The following ZFHX3 variants were observed in gnomAD, a reference collection of about 807,000 sequenced individuals.
ZFHX3 encodes the protein zinc finger homeobox 3, also known as zinc finger homeobox protein 3.
ZFHX3 carries 42 observed loss-of-function variants against 279.1 expected under a neutral mutation model. The observed-to-expected ratio is 0.15, with a 90% CI of 0.12 to 0.19. ZFHX3 has a LOEUF of 0.19. ZFHX3 is among the 10% of genes least tolerant of loss of function. The pLI, the probability that ZFHX3 is intolerant of heterozygous loss-of-function variation, is 1.00. For missense variants in ZFHX3, 4,981 were observed against 4,754.0 expected, an observed-to-expected ratio of 1.05 and a Z score of -1.40; for synonymous variants, 2,293 against 1,957.8, an observed-to-expected ratio of 1.17 and a Z score of -4.52.
At chr16:73,289,900 G>A (rs183773827) in intron 4 of ZFHX3, among the ~76,000 whole-genome samples, 18 of 152,226 alleles carry the variant, frequency 1.2e-4, no homozygotes, top group African/African-American at 3.6e-4. Flanking sequence ...CAAGTCACCC[G>A]GGGCCCCTTT....
chr16:73,675,879 C>T (rs1222632715), intron 2 of ZFHX3, among the ~76,000 whole-genome samples: 1 of 151,908 alleles, frequency 6.6e-6, no homozygotes, highest in Non-Finnish European at 1.5e-5. Flanking sequence ...ATCAGCCTTG[C>T]CTCAGATATG....
At chr16:72,846,923 C>T (rs754484023) in intron 4 of ZFHX3, among the ~76,000 whole-genome samples, 8 of 152,120 alleles carry the variant, frequency 5.3e-5, no homozygotes, top group Admixed American at 2.0e-4. Context: ...ACAGTCTGGA[C>T]GCCCATAAAC....
intron 7 of ZFHX3, among the ~76,000 whole-genome samples, chr16:73,113,793 CTTTTTTT>C (rs71391487): frequency 3.9e-5 from 4 of 102,988 alleles, no homozygotes; most frequent in Non-Finnish European, 7.3e-5. Flanking sequence ...TTTTTGGAAA[CTTTTTTT>C]TTTTTTTTTT....
chr16:73,436,444 AG>A (rs1240031336), intron 3 of ZFHX3, among the ~76,000 whole-genome samples: 1 of 152,318 alleles, frequency 6.6e-6, no homozygotes, highest in Admixed American at 6.5e-5. Flanking sequence ...ACCAAGTGAA[AG>A]GGGTTTCCCC....
chr16:73,806,007 T>A (rs1960266640), intron 1 of ZFHX3, among the ~76,000 whole-genome samples: 1 of 152,190 alleles, frequency 6.6e-6, no homozygotes, highest in Non-Finnish European at 1.5e-5. Context: ...TCCATATGGC[T>A]CAGCAAGCCT....
intron 1 of ZFHX3, among the ~76,000 whole-genome samples, chr16:73,849,097 A>G (rs1486821514): frequency 6.6e-6 from 1 of 152,162 alleles, no homozygotes; most frequent in Non-Finnish European, 1.5e-5. Flanking sequence ...TGTAAACTGA[A>G]CTCATCAGTG....
At chr16:73,534,346 G>C (rs1048336730) in intron 2 of ZFHX3, among the ~76,000 whole-genome samples, 3 of 152,064 alleles carry the variant, frequency 2.0e-5, no homozygotes, top group Admixed American at 2.0e-4. Context: ...CTCTCAATGA[G>C]TTCTACCCTA....
chr16:73,346,497 A>C (rs1000377927), intron 3 of ZFHX3, among the ~76,000 whole-genome samples: 14 of 152,120 alleles, frequency 9.2e-5, no homozygotes, highest in African/African-American at 3.1e-4. Flanking sequence ...ACTTATACAA[A>C]GTTTTGCTTT....
chr16:73,635,411 G>C (rs770187678), intron 2 of ZFHX3, among the ~76,000 whole-genome samples: 17 of 152,168 alleles, frequency 1.1e-4, no homozygotes, highest in East Asian at 1.9e-4. Flanking sequence ...AGCCCAAGAA[G>C]TGACCCCTTT....
intron 3 of ZFHX3, among the ~76,000 whole-genome samples, chr16:72,892,745 C>A (rs532711110): frequency 5.3e-5 from 8 of 152,198 alleles, no homozygotes; most frequent in African/African-American, 1.9e-4. Context: ...TGACTTCAAG[C>A]GATCCACCCG....
At chr16:72,971,417 T>G (rs1223823562) in intron 1 of ZFHX3, among the ~76,000 whole-genome samples, 2 of 152,222 alleles carry the variant, frequency 1.3e-5, no homozygotes, top group African/African-American at 2.4e-5. Context: ...TTGTTTTGTT[T>G]GATCCTTGCG....
chr16:73,011,961 CAA>C (rs753904209), intron 1 of ZFHX3, among the ~76,000 whole-genome samples: 1 of 152,116 alleles, frequency 6.6e-6, no homozygotes, highest in African/African-American at 2.4e-5. Flanking sequence ...CCCCCAAGAC[CAA>C]AGAGGAAGCC....
At chr16:73,795,949 G>A (rs9930508) in intron 1 of ZFHX3, among the ~76,000 whole-genome samples, 2,874 of 152,174 alleles carry the variant, frequency 0.019, 93 homozygotes, top group African/African-American at 0.065. Flanking sequence ...TATAAAATTG[G>A]CAAATCCATA....
At chr16:73,056,396 C>T (rs369205789) in intron 1 of ZFHX3, among the ~76,000 whole-genome samples, 3 of 151,864 alleles carry the variant, frequency 2.0e-5, no homozygotes, top group African/African-American at 4.8e-5. Context: ...AAACAACAAA[C>T]CTAACATTGT....
chr16:73,154,540 G>A (rs889449294), intron 5 of ZFHX3, among the ~76,000 whole-genome samples: 1 of 152,164 alleles, frequency 6.6e-6, no homozygotes, highest in African/African-American at 2.4e-5. Context: ...TGACTTGGGG[G>A]TGGGCGGCTT....
At chr16:72,900,873 G>A (rs558461781) in intron 3 of ZFHX3, among the ~76,000 whole-genome samples, 5 of 152,322 alleles carry the variant, frequency 3.3e-5, no homozygotes, top group East Asian at 3.9e-4. Context: ...GACCCAAGTC[G>A]GAATACCTGG....
chr16:72,916,806 A>T (rs563364169), intron 3 of ZFHX3, among the ~76,000 whole-genome samples: 27 of 152,318 alleles, frequency 1.8e-4, no homozygotes, highest in African/African-American at 6.5e-4. Flanking sequence ...TAAATAGAGG[A>T]ACCCCTATCT....
At chr16:73,002,345 A>G (rs1963528274) in intron 1 of ZFHX3, among the ~76,000 whole-genome samples, 1 of 152,170 alleles carries the variant, frequency 6.6e-6, no homozygotes, top group African/African-American at 2.4e-5. Context: ...GGCACTTGGC[A>G]GCTTCTCCTA....
intron 2 of ZFHX3, among the ~76,000 whole-genome samples, chr16:73,503,949 T>C (rs780451479): frequency 1.3e-5 from 2 of 152,224 alleles, no homozygotes; most frequent in Non-Finnish European, 2.9e-5. Context: ...AATACTGTTT[T>C]GCTCTAGAAA....
Sources: gnomAD v4.1 joint callset for allele counts (sites outside exome capture counted in the v4.1 genomes callset) on GRCh38, gnomAD v4.1.1 for gene constraint, MANE v1.5 for transcripts, NCBI Gene and HGNC (gene_info 2026-07-23, HGNC 2026-07-21) for gene names.